Variants in PKNOX2 observed in about 807,000 individuals in gnomAD.
PKNOX2 encodes the protein homeobox protein PKNOX2.
PKNOX2 carries 14 observed loss-of-function variants against 53.1 expected under a neutral mutation model. The ratio of observed to expected loss-of-function variants is 0.26; its 90% CI spans 0.17 to 0.41. The LOEUF is 0.41. Ranked by LOEUF, PKNOX2 falls within the 10% of genes least tolerant of loss-of-function variation. The pLI, the probability that PKNOX2 is intolerant of heterozygous loss-of-function variation, is 1.00. For synonymous variants in PKNOX2, 257 were observed against 242.8 expected (o/e 1.06, Z -0.54); for missense variants, 496 against 602.8 (o/e 0.82, Z 1.85).
chr11:125,415,169 T>C (rs2135576667), intron 10 of PKNOX2, among the ~76,000 whole-genome samples: 1 of 152,086 alleles, frequency 6.6e-6, no homozygotes, highest in South Asian at 2.1e-4. Flanking sequence ...TTATGAGGTC[T>C]TGCACCCCAA....
At chr11:125,189,443 GTGTGTATATATATATATATATATATATA>G (rs1485373846) in intron 1 of PKNOX2, among the ~76,000 whole-genome samples, 1 of 56,688 alleles carries the variant, frequency 1.8e-5, no homozygotes, top group Non-Finnish European at 3.2e-5. Context: ...GTGTGTGTGT[GTGTGTATATATATATATATATATATATA>G]TATATATATA....
intron 2 of PKNOX2, among the ~76,000 whole-genome samples, chr11:125,305,946 A>C (rs576618775): frequency 6.6e-6 from 1 of 152,306 alleles, no homozygotes; most frequent in East Asian, 1.9e-4. Flanking sequence ...TGCCTTTATT[A>C]GTCCTTTTTA....
chr11:125,365,236 G>A (rs1456219018), intron 4 of PKNOX2, among the ~76,000 whole-genome samples: 1 of 151,950 alleles, frequency 6.6e-6, no homozygotes, highest in Admixed American at 6.6e-5. Flanking sequence ...TTACCATCCT[G>A]GCCGACCCTG....
At chr11:125,392,002 C>G (rs1300652135) in intron 6 of PKNOX2, among the ~76,000 whole-genome samples, 1 of 152,092 alleles carries the variant, frequency 6.6e-6, no homozygotes, top group Admixed American at 6.5e-5. Flanking sequence ...ATTGTAAACA[C>G]AGGATAGAGG....
At chr11:125,410,969 C>A in intron 9 of PKNOX2, 93 bp downstream of exon 9, 1 of 1,001,152 alleles carries the variant, frequency 1.0e-6, no homozygotes, top group Non-Finnish European at 1.6e-6. Context: ...ACGGGTGACT[C>A]ATTGAATCCT....
At position 125,352,337 on chromosome 11, in the gene PKNOX2, C is replaced by T. The variant is rs1951368182; in HGVS notation, c.87+945C>T. Among the ~76,000 whole-genome samples, 2 of 152,178 alleles carry T rather than the reference C, an allele frequency of 1.3e-5. No homozygotes were observed. The highest frequency in any genetic ancestry group is 1.9e-4 in the East Asian group (1 of 5,196). ...GTGAAATGCACCCAGCTAGAATGTCCATCCACAAATTCGCCCATGTGCAGC... is the reference window on the plus strand; with the variant it reads ...GTGAAATGCACCCAGCTAGAATGTCTATCCACAAATTCGCCCATGTGCAGC... On this transcript the variant is annotated intron_variant, in intron 4 of 12. Transcript: ENST00000298282. This position sits in a 1 kb window ranked among gnomAD's most constrained non-coding sequence, Gnocchi z 4.1.
chr11:125,220,704 C>T (rs1941057001), intron 1 of PKNOX2, among the ~76,000 whole-genome samples: 1 of 152,150 alleles, frequency 6.6e-6, no homozygotes, highest in African/African-American at 2.4e-5. Flanking sequence ...TTCTATTTCT[C>T]CATCCATCCA....
chr11:125,410,986 C>A, intron 9 of PKNOX2, 110 bp downstream of exon 9: 6 of 864,400 alleles, frequency 6.9e-6, no homozygotes, highest in Non-Finnish European at 1.1e-5. Flanking sequence ...TCCTCATCAT[C>A]CTCTAAGAGG....
At chr11:125,183,644 AC>A (rs1956281459) in intron 1 of PKNOX2, among the ~76,000 whole-genome samples, 1 of 150,776 alleles carries the variant, frequency 6.6e-6, no homozygotes. Flanking sequence ...TTTTTTATTA[AC>A]TTTTTTTTTT....
chr11:125,324,043 C>T (rs1206325201), intron 2 of PKNOX2, among the ~76,000 whole-genome samples: 1 of 152,214 alleles, frequency 6.6e-6, no homozygotes, highest in Non-Finnish European at 1.5e-5. Flanking sequence ...CAAAACTAGT[C>T]CCAAGAGAGG....
At chr11:125,345,973 A>G (rs1288987963) in intron 3 of PKNOX2, among the ~76,000 whole-genome samples, 2 of 152,140 alleles carry the variant, frequency 1.3e-5, no homozygotes, top group Non-Finnish European at 2.9e-5. Context: ...AGAGAAGATC[A>G]TTTTGGACGC....
At chr11:125,294,932 G>A (rs577236334) in intron 2 of PKNOX2, among the ~76,000 whole-genome samples, 2 of 152,264 alleles carry the variant, frequency 1.3e-5, no homozygotes, top group Admixed American at 6.5e-5. Flanking sequence ...AACACCAGGC[G>A]GAGGAACTGG....
At chr11:125,372,362 A>G (rs1178001311) in intron 5 of PKNOX2, among the ~76,000 whole-genome samples, 2 of 150,076 alleles carry the variant, frequency 1.3e-5, no homozygotes, top group African/African-American at 2.4e-5. Flanking sequence ...TTCCAGGCGC[A>G]CAGTCTCTAG....
intron 1 of PKNOX2, among the ~76,000 whole-genome samples, chr11:125,177,454 A>T (rs1490763860): frequency 6.6e-6 from 1 of 152,214 alleles, no homozygotes; most frequent in African/African-American, 2.4e-5. Context: ...GGGGTCAGGC[A>T]GGCAGGGGTT....
intron 2 of PKNOX2, among the ~76,000 whole-genome samples, chr11:125,273,508 A>G (rs1945954972): frequency 6.6e-6 from 1 of 152,150 alleles, no homozygotes; most frequent in African/African-American, 2.4e-5. Context: ...GCCAAGAAAA[A>G]GGTTCTCAAC....
At chr11:125,319,845 C>T (rs753695588) in intron 2 of PKNOX2, among the ~76,000 whole-genome samples, 1 of 152,106 alleles carries the variant, frequency 6.6e-6, no homozygotes, top group Admixed American at 6.5e-5. Context: ...AGAAGCATGG[C>T]TTGTTTGAGG....
intron 7 of PKNOX2, 118 bp from the exon 8 acceptor site, chr11:125,410,078 G>A: frequency 1.5e-6 from 2 of 1,374,774 alleles, no homozygotes; most frequent in Non-Finnish European, 9.8e-7. Flanking sequence ...GGTCTGGGGA[G>A]GAGCTAGAAG....
intron 9 of PKNOX2, 198 bp from the exon 10 acceptor site, chr11:125,411,548 C>T: frequency 3.7e-6 from 2 of 547,464 alleles, no homozygotes; most frequent in East Asian, 4.5e-5. Flanking sequence ...TCCTTCTTCC[C>T]TTCTCCCATC....
intron 6 of PKNOX2, among the ~76,000 whole-genome samples, chr11:125,394,589 C>T (rs1364276978): frequency 6.6e-6 from 1 of 152,186 alleles, no homozygotes; most frequent in East Asian, 1.9e-4. Flanking sequence ...ATGCTGGCTT[C>T]AAGCCACACT....
Sources: allele counts gnomAD v4.1 joint callset (sites outside exome capture counted in the v4.1 genomes callset), GRCh38; gene constraint gnomAD v4.1.1; non-coding constraint Gnocchi (gnomAD v3.1); transcripts MANE v1.5; gene names NCBI Gene and HGNC (gene_info 2026-07-23, HGNC 2026-07-21).